ADAMTSL3: variants seen among roughly 807,000 people sequenced by gnomAD.
ADAMTSL3 encodes ADAMTS-like protein 3.
In ADAMTSL3, 128 loss-of-function variants were observed where a neutral mutation model predicts 201.7. The ratio of observed to expected loss-of-function variants is 0.63; its 90% CI spans 0.55 to 0.73. ADAMTSL3 has a LOEUF of 0.73. ADAMTSL3 is among the 30% of genes least tolerant of loss of function. The pLI, the probability that ADAMTSL3 is intolerant of heterozygous loss-of-function variation, is 0.00. For missense variants in ADAMTSL3, 1,990 were observed against 2,119.6 expected (o/e 0.94, Z 1.20); for synonymous variants, 738 against 748.4 (o/e 0.99, Z 0.23).
chr15:83,696,885 T>C (rs2061694617), intron 2 of ADAMTSL3, among the ~76,000 whole-genome samples: 1 of 152,018 alleles, frequency 6.6e-6, no homozygotes, highest in African/African-American at 2.4e-5. Context: ...AAAGAGAAAG[T>C]GAATGGCAGG....
intron 3 of ADAMTSL3, among the ~76,000 whole-genome samples, chr15:83,744,880 C>T (rs573988051): frequency 2.0e-5 from 3 of 152,200 alleles, no homozygotes; most frequent in Admixed American, 6.5e-5. Context: ...TTTATTATAT[C>T]GATGGGGACA....
intron 13 of ADAMTSL3, among the ~76,000 whole-genome samples, chr15:83,893,676 A>G (rs918053869): frequency 6.6e-6 from 1 of 152,200 alleles, no homozygotes; most frequent in Non-Finnish European, 1.5e-5. Context: ...GTTGTATGAA[A>G]AAAGAAAACA....
At chr15:83,726,521 G>C (rs1338525258) in intron 3 of ADAMTSL3, among the ~76,000 whole-genome samples, 1 of 152,058 alleles carries the variant, frequency 6.6e-6, no homozygotes, top group Non-Finnish European at 1.5e-5. Context: ...TATGATACCA[G>C]CTCTGGGTCT....
chr15:83,872,571 A>G (rs1031123613), intron 9 of ADAMTSL3, among the ~76,000 whole-genome samples: 1 of 149,026 alleles, frequency 6.7e-6, no homozygotes, highest in East Asian at 2.0e-4. Flanking sequence ...GGGCCTTCCT[A>G]TGTGATTCTC....
rs1471793154 is a variant in ADAMTSL3 at position 84,025,385 on chromosome 15, A to T, written c.4605A>T (p.Gly1535=). The change falls in exon 27 of 30, where the codon GGA becomes GGT. Residue 1535 remains glycine, a synonymous_variant. Transcript: ENST00000286744. The part of the protein sequence containing the change: ...RACAPKDRPL[G]RKPCFGHPCV... ...GTGCCCCTAAAGACCGGCCTCTGGG[A>T]AGAAAACCATGTTTTGGTCATCCAT... is the stretch of plus-strand genomic sequence containing the variant. 1 of 1,614,142 alleles carries T rather than the reference A, an allele frequency of 6.2e-7. No individual in the cohort carries two copies. Among genetic ancestry groups the T allele is most frequent in the Non-Finnish European group, 8.5e-7 (1 of 1,180,018 alleles).
chr15:84,034,721 C>T (rs946904505), intron 28 of ADAMTSL3, among the ~76,000 whole-genome samples: 2 of 152,160 alleles, frequency 1.3e-5, no homozygotes, highest in African/African-American at 2.4e-5. Flanking sequence ...CTGCCTGCTT[C>T]GAATAACCAG....
intron 2 of ADAMTSL3, among the ~76,000 whole-genome samples, chr15:83,674,023 T>C (rs1428940101): frequency 6.6e-6 from 1 of 151,340 alleles, no homozygotes; most frequent in Non-Finnish European, 1.5e-5. Flanking sequence ...TCTTTTACCC[T>C]CTTATAGGTT....
At chr15:83,926,734 G>A (rs997999788) in intron 17 of ADAMTSL3, among the ~76,000 whole-genome samples, 11 of 151,600 alleles carry the variant, frequency 7.3e-5, no homozygotes, top group Non-Finnish European at 4.4e-5. Flanking sequence ...TCCTGCCTCA[G>A]CCTCCTGAGT....
At chr15:83,691,984 T>G (rs1374583362) in intron 2 of ADAMTSL3, among the ~76,000 whole-genome samples, 1 of 152,182 alleles carries the variant, frequency 6.6e-6, no homozygotes, top group Non-Finnish European at 1.5e-5. Context: ...AAAAGAAAAG[T>G]ATTCATAATT....
chr15:83,897,259 A>G (rs971508068), intron 13 of ADAMTSL3, among the ~76,000 whole-genome samples: 17 of 152,172 alleles, frequency 1.1e-4, no homozygotes, highest in African/African-American at 3.9e-4. Context: ...ACAAAAATTC[A>G]GAAAAATAAT....
In ADAMTSL3 at chr15:83,823,889, CTT is replaced by C. The variant is rs1480566615; in HGVS notation, c.600+3843_600+3844del. On this transcript the variant is annotated intron_variant, in intron 6 of 29. Coordinates refer to ENST00000286744, the MANE Select transcript of ADAMTSL3 (RefSeq NM_207517.3). ...AAACAGACTCCATTTCCTTCTTCTTCTTCCTCTTCTTCTTCTTCTTCTTCTTC... is the reference window on the plus strand; with the variant it reads ...AAACAGACTCCATTTCCTTCTTCTTCCCTCTTCTTCTTCTTCTTCTTCTTC... 4.2e-5 allele frequency among the ~76,000 whole-genome samples: 4 copies of C among 94,868 alleles called. 1 individual carries two copies. Among genetic ancestry groups the C allele is most frequent in the African/African-American group, 1.6e-4 (3 of 18,256 alleles). The allele number at this position is 94,868 out of a possible 152,430, so 62.2% of individuals were successfully genotyped here.
intron 2 of ADAMTSL3, among the ~76,000 whole-genome samples, chr15:83,660,116 C>G (rs371547434): frequency 6.6e-6 from 1 of 152,186 alleles, no homozygotes; most frequent in East Asian, 1.9e-4. Context: ...CAGGCATCCT[C>G]TCTCCACCTC....
At chr15:83,915,989 T>C (rs1321480123) in intron 16 of ADAMTSL3, among the ~76,000 whole-genome samples, 3 of 152,240 alleles carry the variant, frequency 2.0e-5, no homozygotes, top group Admixed American at 1.3e-4. Flanking sequence ...TATGTTTTTA[T>C]TTATCTTGGT....
chr15:83,827,120 T>G (rs1389302756), intron 6 of ADAMTSL3, among the ~76,000 whole-genome samples: 1 of 152,148 alleles, frequency 6.6e-6, no homozygotes, highest in Non-Finnish European at 1.5e-5. Context: ...AGTTTACAGT[T>G]CCACCAACAG....
chr15:83,725,707 A>G (rs1593467), intron 3 of ADAMTSL3, among the ~76,000 whole-genome samples: 42,639 of 152,006 alleles, frequency 0.28, 6,285 homozygotes, highest in South Asian at 0.55. Context: ...AGTTCACTGT[A>G]GAAGTATGCA....
At position 83,984,148 on chromosome 15, in the gene ADAMTSL3, T is replaced by G. The variant is rs146383874; in HGVS notation, c.3716+804T>G. On this transcript the variant is annotated intron_variant, in intron 21 of 29. Coordinates refer to ENST00000286744, the MANE Select transcript of ADAMTSL3 (RefSeq NM_207517.3). Reference sequence around the variant, plus strand: ...TTTATTGCCTTCAAATCTTGCTGTTTGTATACAAAGTACTATAGACATTGT... The same window carrying G: ...TTTATTGCCTTCAAATCTTGCTGTTGGTATACAAAGTACTATAGACATTGT... 6.3e-4 allele frequency among the ~76,000 whole-genome samples: 96 copies of G among 152,346 alleles called. 1 individual carries two copies. The highest frequency in any genetic ancestry group is 3.4e-3 in the Middle Eastern group (1 of 294).
At chr15:83,977,020 T>C (rs1206552627) in intron 20 of ADAMTSL3, among the ~76,000 whole-genome samples, 1 of 152,062 alleles carries the variant, frequency 6.6e-6, no homozygotes, top group Non-Finnish European at 1.5e-5. Context: ...CGGATACTGG[T>C]CCATAGCCTG....
chr15:83,872,598 C>CCACACACACACACACACACACACA lies in ADAMTSL3; in HGVS notation c.960+1646_960+1669dup, dbSNP rs149299146. On this transcript the variant is annotated intron_variant, in intron 9 of 29. Transcript: ENST00000286744. ...GTGATTCTCAAGTAGAAAATATACACCACACACACACACACACACACACAC... is the reference window on the plus strand; with the variant it reads ...GTGATTCTCAAGTAGAAAATATACACCACACACACACACACACACACACACACACACACACACACACACACACAC... 2.5e-3 allele frequency among the ~76,000 whole-genome samples: 115 copies of CCACACACACACACACACACACACA among 46,508 alleles called. 1 individual carries two copies. Among genetic ancestry groups the CCACACACACACACACACACACACA allele is most frequent in the Admixed American group, 9.4e-3 (29 of 3,092 alleles). 30.5% of individuals were successfully genotyped at this position (46,508 alleles called of 152,430 possible).
intron 2 of ADAMTSL3, among the ~76,000 whole-genome samples, chr15:83,703,296 T>A (rs556405106): frequency 6.6e-6 from 1 of 152,274 alleles, no homozygotes; most frequent in African/African-American, 2.4e-5. Flanking sequence ...TGTGGACTTT[T>A]TGGTTAATGC....
Sources: gnomAD v4.1 joint callset for allele counts (sites outside exome capture counted in the v4.1 genomes callset) on GRCh38, gnomAD v4.1.1 for gene constraint, MANE v1.5 for transcripts, NCBI Gene and HGNC (gene_info 2026-07-23, HGNC 2026-07-21) for gene names.